CNTN2: variants seen among roughly 807,000 people sequenced by gnomAD.
CNTN2 encodes the protein contactin-2.
CNTN2 carries 53 observed loss-of-function variants against 117.5 expected under a neutral mutation model. The observed-to-expected ratio is 0.45, with a 90% confidence interval of 0.36 to 0.57. The LOEUF (loss-of-function observed/expected upper bound fraction) is 0.57. Ranked by LOEUF, CNTN2 falls within the 20% of genes least tolerant of loss-of-function variation. CNTN2 has a pLI of 0.00. For synonymous variants in CNTN2, 530 were observed against 561.7 expected, an observed-to-expected ratio of 0.94 and a Z score of 0.80; for missense variants, 1,106 against 1,404.3, an observed-to-expected ratio of 0.79 and a Z score of 3.39.
At chr1:205,050,026 G>C (rs79853715) in intron 1 of CNTN2, among the ~76,000 whole-genome samples, 33,160 of 151,900 alleles carry the variant, frequency 0.22, 4,466 homozygotes, top group East Asian at 0.62. Flanking sequence ...AAAGAACTCT[G>C]TAAAGTGCAT....
Position 205,073,678 on chromosome 1 carries a change from C to T in CNTN2, c.3036C>T (p.Asn1012=). 1 of 1,613,976 alleles carries T rather than the reference C, an allele frequency of 6.2e-7. No individual in the cohort carries two copies. Among genetic ancestry groups the T allele is most frequent in the Non-Finnish European group, 8.5e-7 (1 of 1,180,022 alleles). ...RNGGTSMMVE[N]MAVRPAPHPG... ...CAGGCACAAGCATGATGGTGGAGAA[C>T]ATGGCAGTCCGCCCAGCACCACACC... The change falls in exon 23 of 23, where the codon AAC becomes AAT. Residue 1012 remains asparagine (N), a synonymous_variant. Transcript: ENST00000331830. The surrounding 1 kb of genome is among the most constrained non-coding windows in gnomAD (Gnocchi z 6.3).
At chr1:205,050,138 ACTC>A (rs1006030286) in intron 1 of CNTN2, among the ~76,000 whole-genome samples, 3 of 151,694 alleles carry the variant, frequency 2.0e-5, no homozygotes, top group Admixed American at 2.0e-4. Context: ...AATATTAACA[ACTC>A]CTGTTTATCA....
intron 1 of CNTN2, among the ~76,000 whole-genome samples, chr1:205,046,153 C>T (rs1393888466): frequency 6.6e-6 from 1 of 152,138 alleles, no homozygotes; most frequent in Admixed American, 6.5e-5. Context: ...TAGAGTAAGT[C>T]CTTTCTTAGT....
chr1:205,060,892 C>T (rs2151191553), intron 7 of CNTN2: 1 of 239,394 alleles, frequency 4.2e-6, no homozygotes, highest in East Asian at 8.6e-5. Context: ...CCCGTAAAGA[C>T]CCAGGTCACA....
At chr1:205,066,158 A>G (rs1654278416) in intron 14 of CNTN2, 2 of 615,260 alleles carry the variant, frequency 3.3e-6, no homozygotes, top group African/African-American at 1.9e-5. Context: ...TGCTTTACTG[A>G]GCCCTGAAGT....
chr1:205,057,824 C>A, intron 2 of CNTN2, 97 bp from the exon 3 acceptor site: 1 of 1,428,448 alleles, frequency 7.0e-7, no homozygotes, highest in Non-Finnish European at 9.5e-7. Context: ...GGGACATTCC[C>A]ATCATCAGAG....
rs909675218 is a variant in CNTN2 at position 205,073,419 on chromosome 1, A to T, written c.3013+183A>T. 2 of 832,470 alleles carry T rather than the reference A, an allele frequency of 2.4e-6. No homozygotes were observed. The highest frequency in any genetic ancestry group is 3.4e-5 in the African/African-American group (2 of 58,302). The allele number at this position is 832,470 out of a possible 1,614,324, so 51.6% of individuals were successfully genotyped here. A position where few individuals can be genotyped will look rare whatever the true frequency, so the allele number is the denominator to read the frequency against. On this transcript the variant is annotated intron_variant, in intron 22 of 22. Transcript: ENST00000331830. This position sits in a 1 kb window ranked among gnomAD's most constrained non-coding sequence, Gnocchi z 6.3. ...GCCGCCACCTTTCTACCCAGCCCCC[A>T]GAACATCCCCGAGGGCCAGGGAAGG...
chr1:205,066,666 C>A, intron 15 of CNTN2, 67 bp downstream of exon 15: 2 of 1,566,992 alleles, frequency 1.3e-6, no homozygotes, highest in South Asian at 1.2e-5. Flanking sequence ...TGGAAAGGGT[C>A]AAGGTTTGGG....
chr1:205,074,896 C>G lies in CNTN2; in HGVS notation c.*1131C>G, dbSNP rs1654782746. ...CCTGGCCAGATCCGCTCCCAGACGG[C>G]CTTGGACTGCTTGCATTTCCCCGGA... On this transcript the variant is annotated 3_prime_UTR_variant, in exon 23 of 23. Transcript: ENST00000331830. 2.5e-6 allele frequency: 1 copy of G among 398,568 alleles called. No individual in the cohort carries two copies. The highest frequency in any genetic ancestry group is 2.1e-5 in the African/African-American group (1 of 48,608). 24.7% of individuals were successfully genotyped at this position (398,568 alleles called of 1,614,324 possible).
chr1:205,044,982 T>C (rs2096438956), intron 1 of CNTN2, among the ~76,000 whole-genome samples: 1 of 151,912 alleles, frequency 6.6e-6, no homozygotes, highest in African/African-American at 2.4e-5. Context: ...CTTCCTAATC[T>C]CCCGTGGAAG....
intron 16 of CNTN2, chr1:205,067,488 C>A: frequency 2.4e-6 from 1 of 415,540 alleles, no homozygotes; most frequent in Non-Finnish European, 4.2e-6. Context: ...GCATGTGCAT[C>A]TATAATTTTT....
In CNTN2 at chr1:205,074,176, G is replaced by T. The variant is rs1226669220; in HGVS notation, c.*411G>T. The T allele has an allele frequency of 1.1e-5, 5 of 454,986 alleles. No individual in the cohort carries two copies. The highest frequency in any genetic ancestry group is 1.9e-5 in the Non-Finnish European group (5 of 258,356). The allele number at this position is 454,986 out of a possible 1,614,324, so 28.2% of individuals were successfully genotyped here. On this transcript the variant is annotated 3_prime_UTR_variant, in exon 23 of 23. Coordinates refer to ENST00000331830, the MANE Select transcript of CNTN2 (RefSeq NM_005076.5). ...CCGGCAGGAACACCAGACATGAACA[G>T]GTTGAAGAACTGGAGCGAAGTGCAC...
At chr1:205,055,381 G>C (rs921690785) in intron 2 of CNTN2, among the ~76,000 whole-genome samples, 1 of 152,220 alleles carries the variant, frequency 6.6e-6, no homozygotes, top group African/African-American at 2.4e-5. Context: ...GAAGAGGCAA[G>C]TGTGGGTGTG....
At position 205,076,620 on chromosome 1, in the gene CNTN2, A is replaced by T. The variant is rs924626374; in HGVS notation, c.*2855A>T. ...TTAGTGGCCAGTAAACACCCTGGGG[A>T]CTAGGAAAAGGAACCAACTGTAGGC... On this transcript the variant is annotated 3_prime_UTR_variant, in exon 23 of 23. Coordinates refer to ENST00000331830, the MANE Select transcript of CNTN2 (RefSeq NM_005076.5). The T allele has an allele frequency of 6.6e-6, 1 of 152,212 alleles. No homozygotes were observed. Among genetic ancestry groups the T allele is most frequent in the Non-Finnish European group, 1.5e-5 (1 of 68,064 alleles). 9.4% of individuals were successfully genotyped at this position (152,212 alleles called of 1,614,324 possible).
In CNTN2 at chr1:205,073,303, C is replaced by T; in HGVS notation, c.3013+67C>T. 1 of 1,554,196 alleles carries T rather than the reference C, an allele frequency of 6.4e-7. No homozygotes were observed. The highest frequency in any genetic ancestry group is 8.8e-7 in the Non-Finnish European group (1 of 1,139,590). On this transcript the variant is annotated intron_variant, in intron 22 of 22. Coordinates refer to ENST00000331830, the MANE Select transcript of CNTN2 (RefSeq NM_005076.5). This position sits in a 1 kb window ranked among gnomAD's most constrained non-coding sequence, Gnocchi z 6.3. ...GATCCACCCAGATACCTGAGAGGAT[C>T]ATTCCCACCCAGGCCAACTCCAATC...
At chr1:205,070,596 G>A in intron 19 of CNTN2, 58 bp downstream of exon 19, 1 of 1,217,610 alleles carries the variant, frequency 8.2e-7, no homozygotes, top group Non-Finnish European at 1.2e-6. Flanking sequence ...AAAGCCAGGT[G>A]GGAACAACTC....
rs1654733329 is a variant in CNTN2, at chr1:205,073,943, G to T, written c.*178G>T. 6.5e-6 allele frequency: 4 copies of T among 611,342 alleles called. No homozygotes were observed. The highest frequency in any genetic ancestry group is 5.8e-5 in the South Asian group (3 of 51,304). 37.9% of individuals were successfully genotyped at this position (611,342 alleles called of 1,614,324 possible). ...ATATTTTATATTCTGCCGCAGGATA[G>T]AACCCACGCAAGGATTTTCTTTAAA... On this transcript the variant is annotated 3_prime_UTR_variant, in exon 23 of 23. Transcript: ENST00000331830. This position sits in a 1 kb window ranked among gnomAD's most constrained non-coding sequence, Gnocchi z 6.3.
intron 1 of CNTN2, among the ~76,000 whole-genome samples, 171 bp from the exon 2 acceptor site, chr1:205,052,929 A>C (rs1234380268): frequency 2.6e-5 from 4 of 152,148 alleles, no homozygotes; most frequent in Non-Finnish European, 5.9e-5. Flanking sequence ...CCCCAGGAAG[A>C]GCTTCTTGGT....
intron 1 of CNTN2, among the ~76,000 whole-genome samples, chr1:205,049,134 G>T (rs1184849041): frequency 6.6e-6 from 1 of 151,978 alleles, no homozygotes; most frequent in Non-Finnish European, 1.5e-5. Context: ...CCCTGGGCCG[G>T]ATTATTCGTG....
Sources: allele counts gnomAD v4.1 joint callset (sites outside exome capture counted in the v4.1 genomes callset), GRCh38; gene constraint gnomAD v4.1.1; non-coding constraint Gnocchi (gnomAD v3.1); transcripts MANE v1.5; gene names NCBI Gene and HGNC (gene_info 2026-07-23, HGNC 2026-07-21).